CYP4F12: variants seen among roughly 807,000 people sequenced by gnomAD.
The protein encoded by CYP4F12 is cytochrome P450 family 4 subfamily F member 12.
Under a neutral mutation model 56.5 loss-of-function variants are expected in CYP4F12, and 60 were observed. That is an observed-to-expected ratio of 1.06 (90% CI 0.86 to 1.32). CYP4F12 has a LOEUF of 1.32. Among genes scored for constraint, CYP4F12 ranks in the 40% most tolerant of loss-of-function variants. The probability of loss-of-function intolerance (pLI) is 0.00; values close to 1 mark genes in which losing one functional copy is unlikely to be tolerated. For synonymous variants in CYP4F12, 263 were observed against 264.9 expected, an observed-to-expected ratio of 0.99 and a Z score of 0.07; for missense variants, 711 against 683.5, an observed-to-expected ratio of 1.04 and a Z score of -0.45.
rs771107320 is a variant in CYP4F12 at position 15,673,601 on chromosome 19, G to A, written c.72G>A (p.Leu24=). ...CGTCCCCATGGCTACTCCTGCTGCT[G>A]GTTGTGGGCTCCTGGCTACTCGCCC... The part of the protein sequence containing the change: ...VATSPWLLLL[L]VVGSWLLARI... The change falls in exon 2 of 13, where the codon CTG becomes CTA. Residue 24 remains leucine (L), a synonymous_variant. Transcript: ENST00000550308. 4 of 1,614,100 alleles carry A rather than the reference G, an allele frequency of 2.5e-6. No homozygotes were observed. In the East Asian group the frequency reaches 6.7e-5, roughly 27 times the overall value.
At chr19:15,696,280 G>A in intron 11 of CYP4F12, 55 bp downstream of exon 11, 1 of 1,612,638 alleles carries the variant, frequency 6.2e-7, no homozygotes, top group East Asian at 2.2e-5. Flanking sequence ...TTGTGTGTGT[G>A]TGTGTGAATT....
Position 15,682,219 on chromosome 19 carries a change from C to T in CYP4F12, c.526-170C>T. ...ACTCCAAGCCATGGGTCTTCATCTC[C>T]TATACTAACAGTTTCTGCTCGCATC... On this transcript the variant is annotated intron_variant, in intron 5 of 12. Coordinates refer to ENST00000550308, the MANE Select transcript of CYP4F12 (RefSeq NM_023944.4). 4 of 815,460 alleles carry T rather than the reference C, an allele frequency of 4.9e-6. No homozygotes were observed. The South Asian group carries it at 7.2e-5, about 15-fold the overall frequency. 50.5% of individuals were successfully genotyped at this position (815,460 alleles called of 1,614,324 possible). A position where few individuals can be genotyped will look rare whatever the true frequency, so the allele number is the denominator to read the frequency against.
chr19:15,673,472 C>T (rs2006725419), intron 1 of CYP4F12, 57 bp from the exon 2 acceptor site: 1 of 1,570,274 alleles, frequency 6.4e-7, no homozygotes, highest in Non-Finnish European at 8.7e-7. Context: ...TATACACTGT[C>T]CCCGGAGCTC....
At chr19:15,678,579 C>T (rs2007114195) in intron 3 of CYP4F12, 174 bp downstream of exon 3, 4 of 864,866 alleles carry the variant, frequency 4.6e-6, no homozygotes, top group Admixed American at 2.8e-5. Context: ...CACTGGGGCT[C>T]CAAGAGGCCT....
chr19:15,685,542 G>A (rs1210258054), intron 9 of CYP4F12, among the ~76,000 whole-genome samples: 1 of 152,188 alleles, frequency 6.6e-6, no homozygotes, highest in Non-Finnish European at 1.5e-5. Flanking sequence ...TGTTTGCTCA[G>A]GTGGGGAGGG....
chr19:15,675,439 T>C (rs1343473432), intron 2 of CYP4F12, among the ~76,000 whole-genome samples: 1 of 152,148 alleles, frequency 6.6e-6, no homozygotes, highest in Non-Finnish European at 1.5e-5. Context: ...CGCAGGCCCT[T>C]TGTCTGTGGG....
chr19:15,677,588 C>A (rs368519334), intron 2 of CYP4F12, among the ~76,000 whole-genome samples: 181 of 7,352 alleles, frequency 0.025, 74 homozygotes, highest in East Asian at 0.21. Context: ...TCGCTCATTC[C>A]TCTCCTCACT....
chr19:15,684,786 G>GTA, intron 7 of CYP4F12, 30 bp from the exon 8 acceptor site: 2 of 1,501,412 alleles, frequency 1.3e-6, no homozygotes, highest in East Asian at 2.2e-5. Flanking sequence ...GTGTGTGTGT[G>GTA]TGTGTGTGTG....
chr19:15,685,330 C>T, intron 9 of CYP4F12, 133 bp downstream of exon 9: 1 of 1,391,342 alleles, frequency 7.2e-7, no homozygotes. Flanking sequence ...GGACCACAGG[C>T]AGGGCTTGAT....
intron 5 of CYP4F12, 21 bp from the exon 6 acceptor site, chr19:15,682,368 T>G (rs12463111): frequency 7.0e-7 from 1 of 1,434,070 alleles, no homozygotes; most frequent in African/African-American, 1.4e-5. Context: ...CAGCTCTAGC[T>G]CTCTTCCCTT....
In CYP4F12 at chr19:15,695,926, G is replaced by A; in HGVS notation, c.1116-10G>A. 1.9e-6 allele frequency: 3 copies of A among 1,610,260 alleles called. No homozygotes were observed. The highest frequency in any genetic ancestry group is 2.5e-6 in the Non-Finnish European group (3 of 1,178,784). On this transcript the variant is annotated splice_polypyrimidine_tract_variant and intron_variant, in intron 9 of 12. Coordinates refer to ENST00000550308, the MANE Select transcript of CYP4F12 (RefSeq NM_023944.4). ...CCTTGATAATGACTGGGGCTGGGGT[G>A]TTTCCTTAGGGACGACCTGGCCCAG...
chr19:15,682,453 T>G lies in CYP4F12; in HGVS notation c.590T>G (p.Leu197Arg), dbSNP rs2007356990. 1 of 1,613,982 alleles carries G rather than the reference T, an allele frequency of 6.2e-7. No homozygotes were observed. Residue 197 changes from leucine (L) to arginine (R), a missense_variant, in exon 6 of 13, where the codon CTC (leucine) becomes CGC (arginine). Leu to Arg is a moderately radical substitution (Grantham distance 102). Transcript: ENST00000550308. ...CTGGACATGTTTGAGCACATCAGCC[T>G]CATGACCTTGGACAGTCTACAGAAA... ...SRLDMFEHISLMTLDSLQKCI... is the reference protein window; with the variant it reads ...SRLDMFEHISRMTLDSLQKCI...
chr19:15,686,114 G>A (rs2007591006), intron 9 of CYP4F12, among the ~76,000 whole-genome samples: 1 of 152,192 alleles, frequency 6.6e-6, no homozygotes, highest in African/African-American at 2.4e-5. Flanking sequence ...CAAGGATGGA[G>A]TTGAGAGCAA....
At chr19:15,689,292 G>T (rs2007767426) in intron 9 of CYP4F12, among the ~76,000 whole-genome samples, 1 of 151,810 alleles carries the variant, frequency 6.6e-6, no homozygotes, top group Admixed American at 6.6e-5. Context: ...ATCAAAAAGT[G>T]GGCAAAGGGC....
At chr19:15,678,676 T>G in intron 3 of CYP4F12, 1 of 407,762 alleles carries the variant, frequency 2.5e-6, no homozygotes, top group Non-Finnish European at 4.5e-6. Context: ...GGGTCAGGAA[T>G]GGGCAAGAGA....
At chr19:15,690,707 C>T (rs1359075744) in intron 9 of CYP4F12, among the ~76,000 whole-genome samples, 4 of 152,140 alleles carry the variant, frequency 2.6e-5, no homozygotes, top group African/African-American at 9.7e-5. Context: ...ATACACCACA[C>T]GGAAAATGAG....
intron 6 of CYP4F12, among the ~76,000 whole-genome samples, chr19:15,683,060 A>ATGAGAGAAGG (rs1443774594): frequency 6.6e-6 from 1 of 150,930 alleles, no homozygotes; most frequent in African/African-American, 2.4e-5. Flanking sequence ...TACAGGGTGA[A>ATGAGAGAAGG]AGAGAGAGGG....
At chr19:15,685,289 TC>T in intron 9 of CYP4F12, 92 bp downstream of exon 9, 1 of 1,532,258 alleles carries the variant, frequency 6.5e-7, no homozygotes, top group South Asian at 1.2e-5. Context: ...TGTGGATTCT[TC>T]CACTATTGCT....
In CYP4F12 at chr19:15,683,473, T is replaced by C; in HGVS notation, c.648-20T>C. 1 of 1,567,770 alleles carries C rather than the reference T, an allele frequency of 6.4e-7. No individual in the cohort carries two copies. Among genetic ancestry groups the C allele is most frequent in the Non-Finnish European group, 8.6e-7 (1 of 1,157,708 alleles). On this transcript the variant is annotated intron_variant, in intron 6 of 12. Coordinates refer to ENST00000550308, the MANE Select transcript of CYP4F12 (RefSeq NM_023944.4). ...TGCATACGTTACATTGTTGCCTCCC[T>C]TTCTGCCCTTGCTCTGCAGGAGGCC...
Sources: allele counts gnomAD v4.1 joint callset (sites outside exome capture counted in the v4.1 genomes callset), GRCh38; gene constraint gnomAD v4.1.1; transcripts MANE v1.5; gene names NCBI Gene and HGNC (gene_info 2026-07-23, HGNC 2026-07-21).